The following PP2D1 variants were observed in gnomAD, a reference collection of about 807,000 sequenced individuals.
PP2D1 encodes the protein protein phosphatase 2C-like domain-containing protein 1.
Under a neutral mutation model 30.2 loss-of-function variants are expected in PP2D1, and 25 were observed. The observed-to-expected ratio is 0.83, with a 90% CI of 0.60 to 1.16. The LOEUF (loss-of-function observed/expected upper bound fraction) is 1.16, where lower values mean the gene tolerates loss of function less well. Among genes scored for constraint, PP2D1 ranks in the 50% most tolerant of loss-of-function variants. The pLI is 0.00. For missense variants in PP2D1, 760 were observed against 742.4 expected, an observed-to-expected ratio of 1.02 and a Z score of -0.28; for synonymous variants, 260 against 258.9, an observed-to-expected ratio of 1.00 and a Z score of -0.04.
chr3:20,010,314 T>C (rs1318489245), intron 1 of PP2D1, among the ~76,000 whole-genome samples: 2 of 152,142 alleles, frequency 1.3e-5, no homozygotes, highest in Non-Finnish European at 2.9e-5. Flanking sequence ...CAGGCTGGTC[T>C]TGAACTCCTG....
chr3:19,982,776 AAAG>A (rs950740118), downstream of PP2D1, among the ~76,000 whole-genome samples: 7 of 151,920 alleles, frequency 4.6e-5, no homozygotes, highest in African/African-American at 1.2e-4. Context: ...AAAAAAAAAA[AAAG>A]AGAGCATGTA....
In PP2D1 at chr3:20,001,343, G is replaced by T. The variant is rs149789258; in HGVS notation, c.777C>A (p.Tyr259Ter). The T allele has an allele frequency of 6.5e-7, 1 of 1,535,492 alleles. No individual in the cohort carries two copies. The highest frequency in any genetic ancestry group is 1.2e-5 in the South Asian group (1 of 84,008). ...NSFYTVFREE[Y>*]AAIEDLFSAI... ...CAGAAAAGAGGTCTTCTATTGCTGC[G>T]TATTCTTCTCTAAACACAGTGTAAA... Residue 259 changes from tyrosine to a stop codon, truncating the protein, a stop_gained, in exon 2 of 3, where the codon TAC becomes TAA. Transcript: ENST00000389050. LOFTEE classifies it high-confidence loss of function.
At position 19,985,555 on chromosome 3, in the gene PP2D1, CTAGT is replaced by C; in HGVS notation, c.1714_1717del (p.Thr572ValfsTer2). 6.5e-7 allele frequency: 1 copy of C among 1,536,072 alleles called. No individual in the cohort carries two copies. Among genetic ancestry groups the C allele is most frequent in the Non-Finnish European group, 8.7e-7 (1 of 1,146,878 alleles). On this transcript the variant is annotated frameshift_variant, in exon 3 of 3. Coordinates refer to ENST00000389050, the MANE Select transcript of PP2D1 (RefSeq NM_001252657.2). LOFTEE classifies it low-confidence loss of function (END_TRUNC). ...TTCATTTGTTGCCACATCATTTACA[CTAGT>C]TGGTCTGTCAGTTACTTTTTCACTG...
chr3:20,009,454 C>T (rs1249205382), intron 1 of PP2D1, among the ~76,000 whole-genome samples: 3 of 151,784 alleles, frequency 2.0e-5, no homozygotes, highest in African/African-American at 7.3e-5. Flanking sequence ...GACTGAGACC[C>T]TGTCTCAAAA....
At chr3:20,007,010 C>T (rs202012639) in intron 1 of PP2D1, among the ~76,000 whole-genome samples, 10 of 36,128 alleles carry the variant, frequency 2.8e-4, no homozygotes, top group Admixed American at 1.9e-3. Context: ...CACACGTATA[C>T]ACACACACAC....
At chr3:19,983,695 C>T, downstream of PP2D1, 1 of 1,511,372 alleles carries the variant, frequency 6.6e-7, no homozygotes. Flanking sequence ...TTTATTTGAT[C>T]ATTTTCTTTC....
chr3:20,012,034 A>G lies in PP2D1; in HGVS notation c.23+16T>C. ...TGGCTATACGTATTATCCAAAAAAG[A>G]TTTAAGAAAGTTTACCTTAAAGCAT... On this transcript the variant is annotated intron_variant, in intron 1 of 2. Transcript: ENST00000389050. 6.6e-7 allele frequency: 1 copy of G among 1,525,276 alleles called. No individual in the cohort carries two copies. Among genetic ancestry groups the G allele is most frequent in the Non-Finnish European group, 8.8e-7 (1 of 1,137,978 alleles). The allele number at this position is 1,525,276 out of a possible 1,614,324, so 94.5% of individuals were successfully genotyped here.
intron 2 of PP2D1, among the ~76,000 whole-genome samples, chr3:19,995,475 C>G (rs1697169072): frequency 6.6e-6 from 1 of 152,124 alleles, no homozygotes; most frequent in Non-Finnish European, 1.5e-5. Context: ...GAGGCATGGC[C>G]CTGTGAACAC....
chr3:19,988,853 A>G (rs1697078207), intron 2 of PP2D1, among the ~76,000 whole-genome samples: 1 of 152,174 alleles, frequency 6.6e-6, no homozygotes, highest in East Asian at 1.9e-4. Flanking sequence ...ATGGTGGCAC[A>G]TGCACACCTG....
chr3:19,985,723 T>G lies in PP2D1; in HGVS notation c.1550A>C (p.Tyr517Ser). 1 of 1,535,986 alleles carries G rather than the reference T, an allele frequency of 6.5e-7. No individual in the cohort carries two copies. The highest frequency in any genetic ancestry group is 8.7e-7 in the Non-Finnish European group (1 of 1,146,732). ...CACACGTACTTCAGATACAGATTTATACTGAAACAATACGTGGATATTACT... is the reference window on the plus strand; with the variant it reads ...CACACGTACTTCAGATACAGATTTAGACTGAAACAATACGTGGATATTACT... Reference protein sequence around the residue: ...SQSNIHVLFQYKSVSEVRVST... With the variant: ...SQSNIHVLFQSKSVSEVRVST... Residue 517 changes from tyrosine to serine, a missense_variant, in exon 3 of 3, where the codon TAT becomes TCT. Coordinates refer to ENST00000389050, the MANE Select transcript of PP2D1 (RefSeq NM_001252657.2).
intron 1 of PP2D1, among the ~76,000 whole-genome samples, chr3:20,006,083 A>T (rs1697315037): frequency 6.6e-6 from 1 of 152,016 alleles, no homozygotes; most frequent in Admixed American, 6.6e-5. Context: ...TGTCTCTACT[A>T]ATAGTACCCC....
intron 2 of PP2D1, among the ~76,000 whole-genome samples, chr3:19,986,754 G>A (rs62241318): frequency 0.15 from 23,180 of 150,478 alleles, 1,989 homozygotes; most frequent in Non-Finnish European, 0.21. Context: ...AAGTCAATCC[G>A]CCAGGTGTGG....
At chr3:19,988,780 G>A (rs1361063201) in intron 2 of PP2D1, among the ~76,000 whole-genome samples, 4 of 152,062 alleles carry the variant, frequency 2.6e-5, no homozygotes, top group South Asian at 2.1e-4. Flanking sequence ...TGAGACCGAC[G>A]GACACTTAGG....
intron 2 of PP2D1, among the ~76,000 whole-genome samples, chr3:19,994,159 T>G (rs555343678): frequency 1.3e-5 from 2 of 152,092 alleles, no homozygotes; most frequent in East Asian, 3.9e-4. Flanking sequence ...GATGATGGCC[T>G]CACTGAAACA....
At chr3:19,988,040 G>A (rs973641787) in intron 2 of PP2D1, among the ~76,000 whole-genome samples, 1 of 151,942 alleles carries the variant, frequency 6.6e-6, no homozygotes, top group South Asian at 2.1e-4. Context: ...GTTGTATGTC[G>A]CTTCAGGACC....
intron 1 of PP2D1, among the ~76,000 whole-genome samples, chr3:20,009,150 A>G (rs993547148): frequency 5.9e-5 from 9 of 152,128 alleles, no homozygotes; most frequent in Non-Finnish European, 8.8e-5. Flanking sequence ...AGTTACAGCT[A>G]TGTTACATGG....
chr3:19,985,887 A>T lies in PP2D1; in HGVS notation c.1386T>A (p.Asp462Glu), dbSNP rs945107843. The T allele has an allele frequency of 1.3e-6, 2 of 1,536,360 alleles. No individual in the cohort carries two copies. Among genetic ancestry groups the T allele is most frequent in the Non-Finnish European group, 1.7e-6 (2 of 1,146,974 alleles). ...TTGCCAGGGCAGTAACTTCCTCTTTATCCAAAACTTCCCAAAGTCCATTAG... is the reference window on the plus strand; with the variant it reads ...TTGCCAGGGCAGTAACTTCCTCTTTTTCCAAAACTTCCCAAAGTCCATTAG... ...VATNGLWEVLDKEEVTALAMT... is the reference protein window; with the variant it reads ...VATNGLWEVLEKEEVTALAMT... The change falls in exon 3 of 3, where the codon GAT becomes GAA. Residue 462 changes from aspartate (D) to glutamate (E), a missense_variant. Asp to Glu is a conservative substitution (Grantham distance 45). Coordinates refer to ENST00000389050, the MANE Select transcript of PP2D1 (RefSeq NM_001252657.2).
intron 2 of PP2D1, among the ~76,000 whole-genome samples, chr3:19,988,456 C>T (rs527971490): frequency 2.6e-5 from 4 of 152,284 alleles, no homozygotes; most frequent in African/African-American, 9.6e-5. Context: ...TGTCTGCTCT[C>T]AAACCCTGTC....
At chr3:19,990,690 A>C (rs1697107946) in intron 2 of PP2D1, among the ~76,000 whole-genome samples, 1 of 152,032 alleles carries the variant, frequency 6.6e-6, no homozygotes, top group Non-Finnish European at 1.5e-5. Context: ...TGCTATATTA[A>C]ACTGAAAGCT....
Sources: allele counts gnomAD v4.1 joint callset (sites outside exome capture counted in the v4.1 genomes callset), GRCh38; gene constraint gnomAD v4.1.1; transcripts MANE v1.5; gene names NCBI Gene and HGNC (gene_info 2026-07-23, HGNC 2026-07-21).